ABCG2: variants seen among roughly 807,000 people sequenced by gnomAD.
The protein encoded by ABCG2 is ATP binding cassette subfamily G member 2 (JR blood group).
A neutral mutation model predicts 73.5 loss-of-function variants in ABCG2; 80 were observed. The observed-to-expected ratio is 1.09, with a 90% CI of 0.91 to 1.31. The LOEUF (loss-of-function observed/expected upper bound fraction) is 1.31. Ranked by LOEUF, ABCG2 falls within the 50% of genes most tolerant of loss-of-function variation. The pLI is 0.00. For missense variants in ABCG2, 796 were observed against 786.2 expected (o/e 1.01, Z -0.15); for synonymous variants, 269 against 282.4 (o/e 0.95, Z 0.48).
chr4:88,115,256 C>CTCTCTCTCTCTATATATA (rs1309360818), intron 7 of ABCG2, among the ~76,000 whole-genome samples, 198 bp from the exon 8 acceptor site: 1 of 69,872 alleles, frequency 1.4e-5, no homozygotes, highest in African/African-American at 5.6e-5. Context: ...CTCTCTCTCT[C>CTCTCTCTCTCTATATATA]TATATATATA....
chr4:88,217,108 C>T (rs1327834301), intron 1 of ABCG2, among the ~76,000 whole-genome samples: 1 of 152,024 alleles, frequency 6.6e-6, no homozygotes, highest in Admixed American at 6.6e-5. Context: ...TATGAAGTTA[C>T]AGAATGCCTT....
intron 1 of ABCG2, among the ~76,000 whole-genome samples, chr4:88,187,590 G>A (rs1418343184): frequency 6.6e-6 from 1 of 152,106 alleles, no homozygotes; most frequent in East Asian, 1.9e-4. Context: ...TCCAGCCTGG[G>A]CAATAGAGCA....
chr4:88,110,145 G>A (rs1723034617), intron 9 of ABCG2, among the ~76,000 whole-genome samples: 2 of 151,768 alleles, frequency 1.3e-5, no homozygotes, highest in African/African-American at 2.4e-5. Context: ...AAAAAGTCAA[G>A]AATAATAATA....
chr4:88,203,435 G>A (rs1277405982), intron 1 of ABCG2, among the ~76,000 whole-genome samples: 3 of 152,096 alleles, frequency 2.0e-5, no homozygotes, highest in Admixed American at 6.6e-5. Flanking sequence ...TAGAATGTTC[G>A]AATATTGGAG....
intron 1 of ABCG2, among the ~76,000 whole-genome samples, chr4:88,148,358 G>C (rs79622913): frequency 6.6e-6 from 1 of 152,130 alleles, no homozygotes; most frequent in African/African-American, 2.4e-5. Flanking sequence ...ATCCTTAATC[G>C]AAAGAGATAT....
chr4:88,145,945 T>A (rs1725968209), intron 1 of ABCG2, among the ~76,000 whole-genome samples: 1 of 151,704 alleles, frequency 6.6e-6, no homozygotes, highest in African/African-American at 2.4e-5. Context: ...AATAAATAAA[T>A]AAAGGAACAC....
At chr4:88,226,178 T>G (rs959329038) in intron 1 of ABCG2, among the ~76,000 whole-genome samples, 1 of 152,218 alleles carries the variant, frequency 6.6e-6, no homozygotes, top group African/African-American at 2.4e-5. Flanking sequence ...ACTTTCTTCC[T>G]ACCTGGCATC....
chr4:88,197,790 A>G (rs1291030064), intron 1 of ABCG2, among the ~76,000 whole-genome samples: 2 of 151,634 alleles, frequency 1.3e-5, no homozygotes, highest in African/African-American at 4.9e-5. Flanking sequence ...GTGATACAGT[A>G]AGACCCTGTC....
At chr4:88,183,064 G>A (rs185998209) in intron 1 of ABCG2, among the ~76,000 whole-genome samples, 257 of 129,092 alleles carry the variant, frequency 2.0e-3, no homozygotes, top group Middle Eastern at 0.01. Flanking sequence ...CAGCCTGGGC[G>A]ACAGAGTGAG....
At chr4:88,219,645 G>T (rs1320493854) in intron 1 of ABCG2, among the ~76,000 whole-genome samples, 1 of 139,966 alleles carries the variant, frequency 7.1e-6, no homozygotes, top group Non-Finnish European at 1.5e-5. Flanking sequence ...GCAATGGCGC[G>T]ATCTCCGCTC....
Position 88,132,911 on chromosome 4 carries a change from GA to G in ABCG2, c.204-277del, listed in dbSNP as rs776005606. 2.1e-3 allele frequency among the ~76,000 whole-genome samples: 296 copies of G among 138,508 alleles called. 2 individuals are homozygous for G. Among genetic ancestry groups the G allele is most frequent in the African/African-American group, 6.1e-3 (230 of 37,892 alleles). The allele number at this position is 138,508 out of a possible 152,430, so 90.9% of individuals were successfully genotyped here. Reference sequence around the variant, plus strand: ...TAGGGAGACACTGTCTCTACTTAAAGAAAAAAAAAAAAGATTGTTGATTTGA... The same window carrying G: ...TAGGGAGACACTGTCTCTACTTAAAGAAAAAAAAAAAGATTGTTGATTTGA... On this transcript the variant is annotated intron_variant, in intron 2 of 15. Transcript: ENST00000237612.
intron 1 of ABCG2, chr4:88,201,944 T>A (rs2110115244): frequency 6.6e-6 from 1 of 152,270 alleles, no homozygotes; most frequent in Non-Finnish European, 1.5e-5. Context: ...CCTCAACCTA[T>A]CTGCATACTG....
intron 5 of ABCG2, among the ~76,000 whole-genome samples, chr4:88,130,517 C>T (rs938556142): frequency 2.0e-5 from 3 of 151,896 alleles, no homozygotes; most frequent in Admixed American, 2.0e-4. Flanking sequence ...AAATGTAATG[C>T]ACTTGAATTA....
intron 8 of ABCG2, among the ~76,000 whole-genome samples, chr4:88,114,379 C>T (rs1723379353): frequency 6.6e-6 from 1 of 152,106 alleles, no homozygotes; most frequent in African/African-American, 2.4e-5. Context: ...GTAATCCCAA[C>T]ACTTTGGGAG....
At chr4:88,113,824 C>T (rs1723324699) in intron 8 of ABCG2, among the ~76,000 whole-genome samples, 2 of 151,632 alleles carry the variant, frequency 1.3e-5, no homozygotes, top group East Asian at 1.9e-4. Flanking sequence ...ATTAGCCTGG[C>T]GTGGTGGTGC....
rs1309360818 is a variant in ABCG2, at chr4:88,115,256, C to CTCTCTCTCTCTCTCTCTA, written c.842-199_842-198insTAGAGAGAGAGAGAGAGA. ...AGTCTCTCTCTCTCTCTCTCTCTCTCTATATATATATATATATATATATAT... is the reference window on the plus strand; with the variant it reads ...AGTCTCTCTCTCTCTCTCTCTCTCTCTCTCTCTCTCTCTCTCTATATATATATATATATATATATATAT... On this transcript the variant is annotated intron_variant, in intron 7 of 15. Coordinates refer to ENST00000237612, the MANE Select transcript of ABCG2 (RefSeq NM_004827.3). 3.1e-4 allele frequency among the ~76,000 whole-genome samples: 22 copies of CTCTCTCTCTCTCTCTCTA among 69,852 alleles called. 1 individual carries two copies. Among genetic ancestry groups the CTCTCTCTCTCTCTCTCTA allele is most frequent in the East Asian group, 3.6e-3 (2 of 556 alleles). The allele number at this position is 69,852 out of a possible 152,430, so 45.8% of individuals were successfully genotyped here.
At chr4:88,137,960 G>A (rs1725367175) in intron 2 of ABCG2, among the ~76,000 whole-genome samples, 1 of 152,104 alleles carries the variant, frequency 6.6e-6, no homozygotes, top group African/African-American at 2.4e-5. Flanking sequence ...TTCAAGGCCA[G>A]CCTGGGCAAC....
At chr4:88,154,963 C>T (rs555241345) in intron 1 of ABCG2, among the ~76,000 whole-genome samples, 2 of 152,182 alleles carry the variant, frequency 1.3e-5, no homozygotes, top group South Asian at 4.2e-4. Flanking sequence ...GTTGTTTGGA[C>T]AAAAAGGCTA....
intron 1 of ABCG2, among the ~76,000 whole-genome samples, chr4:88,144,056 T>C (rs1725810034): frequency 6.6e-6 from 1 of 152,218 alleles, no homozygotes; most frequent in South Asian, 2.1e-4. Context: ...TGGATTAGCA[T>C]CATCTTTTTA....
Sources: gnomAD v4.1 joint callset for allele counts (sites outside exome capture counted in the v4.1 genomes callset) on GRCh38, gnomAD v4.1.1 for gene constraint, MANE v1.5 for transcripts, NCBI Gene and HGNC (gene_info 2026-07-23, HGNC 2026-07-21) for gene names.